The following LRP1B variants were observed in gnomAD, a reference collection of about 807,000 sequenced individuals.
LRP1B encodes the protein low-density lipoprotein receptor-related protein 1B.
A neutral mutation model predicts 556.6 loss-of-function variants in LRP1B; 217 were observed. The observed-to-expected ratio is 0.39, with a 90% CI of 0.35 to 0.44. The LOEUF (loss-of-function observed/expected upper bound fraction) is 0.44, where lower values mean the gene tolerates loss of function less well. Among genes scored for constraint, LRP1B ranks in the 20% least tolerant of loss-of-function variants. LRP1B has a pLI of 1.00. For synonymous variants in LRP1B, 2,047 were observed against 1,865.8 expected, an observed-to-expected ratio of 1.10 and a Z score of -2.50; for missense variants, 5,053 against 5,620.8, an observed-to-expected ratio of 0.90 and a Z score of 3.23.
At chr2:140,712,758 C>T (rs892849371) in intron 37 of LRP1B, among the ~76,000 whole-genome samples, 43 of 152,028 alleles carry the variant, frequency 2.8e-4, no homozygotes, top group African/African-American at 1.0e-3. Flanking sequence ...TACTCATCTT[C>T]TGAAATTGAT....
intron 3 of LRP1B, among the ~76,000 whole-genome samples, chr2:141,365,380 T>C (rs1010771370): frequency 3.3e-5 from 5 of 152,126 alleles, no homozygotes; most frequent in Non-Finnish European, 7.4e-5. Flanking sequence ...GAAAGCATGC[T>C]TGCATTTATT....
intron 2 of LRP1B, among the ~76,000 whole-genome samples, chr2:141,735,871 GA>G (rs1553456551): frequency 6.6e-6 from 1 of 151,786 alleles, no homozygotes; most frequent in African/African-American, 2.4e-5. Context: ...GGAGCTGTTT[GA>G]AAAAAAGGTA....
At chr2:140,537,783 T>A (rs915605104) in intron 45 of LRP1B, among the ~76,000 whole-genome samples, 1 of 152,146 alleles carries the variant, frequency 6.6e-6, no homozygotes, top group African/African-American at 2.4e-5. Flanking sequence ...AGTCTGAAAG[T>A]ACAAAAAGTT....
At chr2:140,317,309 C>T (rs1246671627) in intron 82 of LRP1B, among the ~76,000 whole-genome samples, 1 of 151,904 alleles carries the variant, frequency 6.6e-6, no homozygotes, top group African/African-American at 2.4e-5. Context: ...ATACATTATC[C>T]AGGATAGGTA....
intron 2 of LRP1B, among the ~76,000 whole-genome samples, chr2:141,555,781 A>G (rs1238854766): frequency 6.6e-6 from 1 of 151,834 alleles, no homozygotes; most frequent in Non-Finnish European, 1.5e-5. Context: ...ACTGTATTTT[A>G]TATATATTCT....
chr2:141,057,175 C>A (rs1200918354), intron 9 of LRP1B, among the ~76,000 whole-genome samples: 1 of 151,860 alleles, frequency 6.6e-6, no homozygotes, highest in African/African-American at 2.4e-5. Flanking sequence ...TTAAAAATGT[C>A]AGTCATACCG....
At chr2:142,036,980 G>C (rs1178021099) in intron 1 of LRP1B, among the ~76,000 whole-genome samples, 1 of 151,614 alleles carries the variant, frequency 6.6e-6, no homozygotes, top group African/African-American at 2.4e-5. Context: ...CAGGAACTGG[G>C]TTTGCTAATT....
intron 1 of LRP1B, among the ~76,000 whole-genome samples, chr2:141,813,003 ATAG>A (rs1335656243): frequency 6.6e-6 from 1 of 152,158 alleles, no homozygotes; most frequent in Non-Finnish European, 1.5e-5. Context: ...GAGTGGAATA[ATAG>A]TAGAAATAAC....
intron 20 of LRP1B, among the ~76,000 whole-genome samples, chr2:140,930,964 G>A (rs1405154286): frequency 2.0e-5 from 3 of 152,070 alleles, no homozygotes; most frequent in Non-Finnish European, 4.4e-5. Flanking sequence ...CCTGTCTGAG[G>A]AGAACCTTAA....
chr2:141,042,045 A>G (rs1435144504), intron 11 of LRP1B, among the ~76,000 whole-genome samples: 1 of 152,102 alleles, frequency 6.6e-6, no homozygotes, highest in Non-Finnish European at 1.5e-5. Flanking sequence ...CTCCAAAATC[A>G]GATCACAGTA....
intron 2 of LRP1B, among the ~76,000 whole-genome samples, chr2:141,687,509 C>T (rs749620039): frequency 2.0e-5 from 3 of 151,898 alleles, no homozygotes; most frequent in Non-Finnish European, 4.4e-5. Flanking sequence ...AATTATTTTA[C>T]ACTTTAGCAA....
At chr2:141,575,772 C>T (rs971782223) in intron 2 of LRP1B, among the ~76,000 whole-genome samples, 38 of 151,032 alleles carry the variant, frequency 2.5e-4, no homozygotes, top group African/African-American at 6.8e-4. Flanking sequence ...AAAACAACTC[C>T]GTCAAAAAGT....
intron 6 of LRP1B, among the ~76,000 whole-genome samples, chr2:141,228,893 C>A (rs1156292646): frequency 6.6e-6 from 1 of 151,686 alleles, no homozygotes; most frequent in Non-Finnish European, 1.5e-5. Flanking sequence ...TGTGAATTAC[C>A]ACTCAGTGGA....
rs1689518286 is a variant in LRP1B, at chr2:140,508,581, G to A, written c.8398+1347C>T. On this transcript the variant is annotated intron_variant, in intron 52 of 90. Coordinates refer to ENST00000389484, the MANE Select transcript of LRP1B (RefSeq NM_018557.3). ...CCACATAGAAGTAGCATGAACAATT[G>A]CCTGTTGTAATCAGAGTAAAACTCT... 2.6e-5 allele frequency among the ~76,000 whole-genome samples: 4 copies of A among 152,188 alleles called. No homozygotes were observed. The South Asian group carries it at 8.3e-4, about 32-fold the overall frequency.
At chr2:140,542,577 C>T (rs1177332161) in intron 43 of LRP1B, among the ~76,000 whole-genome samples, 1 of 152,102 alleles carries the variant, frequency 6.6e-6, no homozygotes, top group Non-Finnish European at 1.5e-5. Flanking sequence ...CACTTTTCAA[C>T]ACATTGCACA....
At chr2:140,665,696 A>G (rs1172847224) in intron 41 of LRP1B, among the ~76,000 whole-genome samples, 2 of 152,162 alleles carry the variant, frequency 1.3e-5, no homozygotes, top group African/African-American at 2.4e-5. Flanking sequence ...TGTAGGTTGA[A>G]TTTACATGAT....
chr2:140,295,122 C>T (rs1178084116), intron 84 of LRP1B, among the ~76,000 whole-genome samples: 1 of 152,020 alleles, frequency 6.6e-6, no homozygotes, highest in African/African-American at 2.4e-5. Context: ...TCGTGATCCG[C>T]GGGCCTCAGC....
chr2:140,868,120 C>T lies in LRP1B; in HGVS notation c.4313G>A (p.Arg1438Lys). 6.2e-7 allele frequency: 1 copy of T among 1,600,824 alleles called. No homozygotes were observed. The highest frequency in any genetic ancestry group is 8.5e-7 in the Non-Finnish European group (1 of 1,175,668). ...NGLTVDHFEKRIVWTDARSDA... is the reference protein window; with the variant it reads ...NGLTVDHFEKKIVWTDARSDA... ...AAACCTGGCGTCTGTCCACACTATC[C>T]TTTTCTCAAAGTGGTCCACAGTTAG... is the stretch of plus-strand genomic sequence containing the variant. Residue 1438 changes from arginine to lysine, a missense_variant, in exon 26 of 91, where the codon AGG becomes AAG. By Grantham distance (26) the Arg-to-Lys change is conservative. Transcript: ENST00000389484.
intron 2 of LRP1B, among the ~76,000 whole-genome samples, chr2:141,788,808 G>A (rs111995123): frequency 0.012 from 1,792 of 151,282 alleles, 48 homozygotes; most frequent in African/African-American, 0.041. Flanking sequence ...TTGCCCTTGC[G>A]ACAGTTTGCT....
Sources: gnomAD v4.1 joint callset for allele counts (sites outside exome capture counted in the v4.1 genomes callset) on GRCh38, gnomAD v4.1.1 for gene constraint, MANE v1.5 for transcripts, NCBI Gene and HGNC (gene_info 2026-07-23, HGNC 2026-07-21) for gene names.